GTF3C2: variants seen among roughly 807,000 people sequenced by gnomAD.
GTF3C2 encodes general transcription factor IIIC subunit 2.
A neutral mutation model predicts 117.4 loss-of-function variants in GTF3C2; 17 were observed. That is an observed-to-expected ratio of 0.14 (90% CI 0.10 to 0.22). GTF3C2 has a LOEUF of 0.22. GTF3C2 is among the 10% of genes least tolerant of loss of function. The pLI, the probability that GTF3C2 is intolerant of heterozygous loss-of-function variation, is 1.00. For synonymous variants in GTF3C2, 437 were observed against 427.0 expected (o/e 1.02, Z -0.29); for missense variants, 888 against 1,143.6 (o/e 0.78, Z 3.22).
exon 19 of GTF3C2, chr2:27,326,338 C>T: frequency 4.3e-6 from 2 of 462,438 alleles, no homozygotes; most frequent in Non-Finnish European, 8.3e-6. Flanking sequence ...ACAAAAACAC[C>T]CAGTACCTTT....
chr2:27,336,570 T>C (rs1440878223), intron 7 of GTF3C2, 145 bp from the exon 8 acceptor site: 3 of 601,472 alleles, frequency 5.0e-6, no homozygotes, highest in Non-Finnish European at 9.0e-6. Context: ...AACAGAGTCC[T>C]TGGCTTCCAC....
At chr2:27,356,389 G>T (rs1446890064) in intron 1 of GTF3C2, 5 of 270,926 alleles carry the variant, frequency 1.8e-5, no homozygotes, top group Admixed American at 4.1e-5. Context: ...GCCTGTGCGG[G>T]AGAGGAGCCC....
chr2:27,351,519 C>A (rs1294413192), intron 1 of GTF3C2, among the ~76,000 whole-genome samples: 1 of 152,214 alleles, frequency 6.6e-6, no homozygotes, highest in African/African-American at 2.4e-5. Context: ...CAAGTTGTGT[C>A]TGCAGTAATC....
chr2:27,328,815 TGAA>T (rs760599272), intron 15 of GTF3C2, 26 bp downstream of exon 15: 7 of 1,531,748 alleles, frequency 4.6e-6, no homozygotes, highest in African/African-American at 1.4e-5. Flanking sequence ...TCCTTTGTAA[TGAA>T]GACTGCAAAA....
At chr2:27,341,655 A>C (rs1680733721) in intron 4 of GTF3C2, 3 of 368,146 alleles carry the variant, frequency 8.1e-6, no homozygotes, top group Admixed American at 4.1e-5. Context: ...CTCCTGGGGT[A>C]GTGCTGATTG....
At chr2:27,356,497 C>T (rs747904931) in intron 1 of GTF3C2, 2 of 232,100 alleles carry the variant, frequency 8.6e-6, no homozygotes, top group Non-Finnish European at 1.8e-5. Context: ...GTTACCGACA[C>T]CGCGTGGGGG....
At chr2:27,337,439 G>T (rs1324073962) in intron 6 of GTF3C2, 42 bp downstream of exon 6, 1 of 1,487,772 alleles carries the variant, frequency 6.7e-7, no homozygotes, top group Non-Finnish European at 9.4e-7. Flanking sequence ...GTCTCCAGTG[G>T]TGTCACCCTT....
chr2:27,335,598 C>G (rs1680436949), exon 10 of GTF3C2: 2 of 1,509,606 alleles, frequency 1.3e-6, no homozygotes, highest in African/African-American at 1.4e-5. Flanking sequence ...TGCTACTCAC[C>G]TGGGGGTTGC....
intron 16 of GTF3C2, 43 bp downstream of exon 16, chr2:27,328,424 TG>T: frequency 6.2e-7 from 1 of 1,607,550 alleles, no homozygotes; most frequent in Non-Finnish European, 8.5e-7. Flanking sequence ...GGAGGGCATG[TG>T]GGTTAGGATC....
chr2:27,336,767 C>G, intron 7 of GTF3C2: 1 of 255,958 alleles, frequency 3.9e-6, no homozygotes. Context: ...TGCCACCATA[C>G]CCCACTAATT....
At chr2:27,337,528 A>C in exon 6 of GTF3C2, 1 of 1,612,440 alleles carries the variant, frequency 6.2e-7, no homozygotes, top group Non-Finnish European at 8.5e-7. Flanking sequence ...TCCACTCAGC[A>C]AACTCCCAGT....
exon 18 of GTF3C2, chr2:27,327,232 C>G (rs771157977): frequency 1.4e-5 from 22 of 1,611,272 alleles, no homozygotes; most frequent in Non-Finnish European, 1.8e-5. Flanking sequence ...ATGCCCCTCT[C>G]CCTCCTGCAT....
At chr2:27,354,948 T>C (rs1054549137) in intron 1 of GTF3C2, among the ~76,000 whole-genome samples, 1 of 152,166 alleles carries the variant, frequency 6.6e-6, no homozygotes. Flanking sequence ...ATCAATAAAT[T>C]ATTTTTCTCG....
chr2:27,354,116 A>G (rs922492945), intron 1 of GTF3C2, among the ~76,000 whole-genome samples: 1 of 151,958 alleles, frequency 6.6e-6, no homozygotes, highest in Non-Finnish European at 1.5e-5. Context: ...TCTCAACAAC[A>G]ACAACAAAAA....
chr2:27,342,418 G>C (rs111847750), intron 3 of GTF3C2, 185 bp from the exon 4 acceptor site: 2 of 585,052 alleles, frequency 3.4e-6, no homozygotes, highest in Admixed American at 6.1e-5. Flanking sequence ...TGACTTGGCC[G>C]AGATGACTGA....
At chr2:27,346,198 A>T (rs1558622012) in intron 1 of GTF3C2, among the ~76,000 whole-genome samples, 1 of 149,958 alleles carries the variant, frequency 6.7e-6, no homozygotes, top group Non-Finnish European at 1.5e-5. Context: ...TAATTTTTAA[A>T]TTTTTTGTAG....
chr2:27,326,608 T>C (rs1680079712), exon 19 of GTF3C2: 6 of 1,207,596 alleles, frequency 5.0e-6, no homozygotes, highest in Non-Finnish European at 3.6e-6. Context: ...CCAGTTCCTA[T>C]GGCTCTGTGC....
At chr2:27,346,276 G>A (rs1203058056) in intron 1 of GTF3C2, among the ~76,000 whole-genome samples, 1 of 145,662 alleles carries the variant, frequency 6.9e-6, no homozygotes, top group Non-Finnish European at 1.5e-5. Context: ...TTTCCACCTC[G>A]GTCTCCCAAA....
chr2:27,351,936 C>T (rs1312506970), intron 1 of GTF3C2, among the ~76,000 whole-genome samples: 3 of 152,198 alleles, frequency 2.0e-5, no homozygotes, highest in Non-Finnish European at 4.4e-5. Flanking sequence ...ACCGCAGCTA[C>T]TCACTTTGCT....
Sources: gnomAD v4.1 joint callset for allele counts (sites outside exome capture counted in the v4.1 genomes callset) on GRCh38, gnomAD v4.1.1 for gene constraint, MANE v1.5 for transcripts, NCBI Gene and HGNC (gene_info 2026-07-23, HGNC 2026-07-21) for gene names.